The following ATOSA variants were observed in gnomAD, a reference collection of about 807,000 sequenced individuals.
ATOSA encodes the protein atos homolog protein A.
At chr15:52,589,544 AAAAAAACAGCTTTTTG>A in the ATOSA span, among the ~76,000 whole-genome samples, 1 of 30,688 alleles carries the variant, frequency 3.3e-5, no homozygotes, top group South Asian at 1.1e-3. Flanking sequence ...CAATTTATTT[AAAAAAACAGCTTTTTG>A]AAAAAAACCA....
the ATOSA span, among the ~76,000 whole-genome samples, chr15:52,640,951 A>T: frequency 6.6e-6 from 1 of 152,210 alleles, no homozygotes; most frequent in East Asian, 1.9e-4. Context: ...TTGAATATAT[A>T]TTCAAAGGAA....
At chr15:52,588,609 T>C in the ATOSA span, among the ~76,000 whole-genome samples, 2 of 152,094 alleles carry the variant, frequency 1.3e-5, no homozygotes, top group Non-Finnish European at 2.9e-5. Flanking sequence ...CAGCTAATTT[T>C]TGTATTTTTA....
the ATOSA span, among the ~76,000 whole-genome samples, chr15:52,623,985 T>G: frequency 0.038 from 5,715 of 152,300 alleles, 268 homozygotes; most frequent in East Asian, 0.25. Flanking sequence ...TGGTAGGAGA[T>G]TCTCCTGTAT....
At chr15:52,582,406 CAAT>C in the ATOSA span, 1 of 1,016,394 alleles carries the variant, frequency 9.8e-7, no homozygotes, top group Non-Finnish European at 1.4e-6. Context: ...AATCTTGCTA[CAAT>C]ATTAGGTCAA....
the ATOSA span, among the ~76,000 whole-genome samples, chr15:52,628,135 G>A: frequency 6.6e-6 from 1 of 152,158 alleles, no homozygotes; most frequent in Non-Finnish European, 1.5e-5. Flanking sequence ...ATGTCTCTTA[G>A]ATATATCTAA....
the ATOSA span, among the ~76,000 whole-genome samples, chr15:52,703,024 A>G: frequency 6.6e-6 from 1 of 152,210 alleles, no homozygotes; most frequent in Non-Finnish European, 1.5e-5. Context: ...TTATCAGGTA[A>G]ACAGATAAAC....
chr15:52,696,355 C>A, the ATOSA span, among the ~76,000 whole-genome samples: 3 of 152,114 alleles, frequency 2.0e-5, no homozygotes, highest in Non-Finnish European at 4.4e-5. Context: ...TCTACCCAAC[C>A]ACAACAGCCT....
chr15:52,652,066 T>C, the ATOSA span: 8 of 1,459,376 alleles, frequency 5.5e-6, no homozygotes, highest in Non-Finnish European at 7.2e-6. Context: ...GGCAGCAGAG[T>C]AAGAGCGCAC....
At chr15:52,629,694 C>A in the ATOSA span, 1 of 371,922 alleles carries the variant, frequency 2.7e-6, no homozygotes, top group Admixed American at 2.8e-5. Context: ...CTCTGCTACT[C>A]GAGAGGCTGA....
chr15:52,650,462 T>G, the ATOSA span, among the ~76,000 whole-genome samples: 2 of 152,194 alleles, frequency 1.3e-5, no homozygotes, highest in Non-Finnish European at 2.9e-5. Flanking sequence ...AAGGACTATT[T>G]TGTAAATTTT....
the ATOSA span, among the ~76,000 whole-genome samples, chr15:52,622,254 A>G: frequency 2.6e-5 from 4 of 152,342 alleles, no homozygotes; most frequent in South Asian, 2.1e-4. Flanking sequence ...GGAACTTAGT[A>G]TCTGAAACAC....
chr15:52,607,868 T>G, the ATOSA span, among the ~76,000 whole-genome samples: 2 of 152,052 alleles, frequency 1.3e-5, no homozygotes, highest in African/African-American at 4.8e-5. Context: ...TCTGTTTTGG[T>G]TGGTTGGTTT....
chr15:52,658,900 G>A, the ATOSA span: 1 of 395,890 alleles, frequency 2.5e-6, no homozygotes, highest in Non-Finnish European at 4.4e-6. Flanking sequence ...CAGAAGGATT[G>A]CTTGAGCCTA....
At chr15:52,587,769 A>G in the ATOSA span, 2 of 152,294 alleles carry the variant, frequency 1.3e-5, no homozygotes, top group Non-Finnish European at 2.9e-5. Flanking sequence ...GAGATGTTTA[A>G]GACAAAAAGT....
the ATOSA span, among the ~76,000 whole-genome samples, chr15:52,686,252 C>T: frequency 2.6e-5 from 4 of 152,122 alleles, no homozygotes; most frequent in African/African-American, 7.2e-5. Context: ...TTCATTGCAT[C>T]CTAATGAGAA....
chr15:52,632,637 T>C, the ATOSA span, among the ~76,000 whole-genome samples: 4 of 152,216 alleles, frequency 2.6e-5, no homozygotes, highest in Non-Finnish European at 5.9e-5. Context: ...CGGTTAGTAT[T>C]TGACCTTTAA....
the ATOSA span, among the ~76,000 whole-genome samples, chr15:52,620,489 TG>T: frequency 6.6e-6 from 1 of 152,178 alleles, no homozygotes; most frequent in Non-Finnish European, 1.5e-5. Context: ...TCTACTTCAA[TG>T]GGAGTGGAAG....
chr15:52,584,378 T>C, the ATOSA span, among the ~76,000 whole-genome samples: 26 of 152,066 alleles, frequency 1.7e-4, no homozygotes, highest in Admixed American at 5.2e-4. Context: ...CTGAAGGTGA[T>C]TGGCCCACCT....
chr15:52,682,725 T>A, the ATOSA span, among the ~76,000 whole-genome samples: 1 of 152,252 alleles, frequency 6.6e-6, no homozygotes, highest in Non-Finnish European at 1.5e-5. Context: ...AATTAAAATG[T>A]ATAAATAAAT....
Sources: gnomAD v4.1 joint callset for allele counts (sites outside exome capture counted in the v4.1 genomes callset) on GRCh38, gnomAD v4.1.1 for gene constraint, MANE v1.5 for transcripts, NCBI Gene and HGNC (gene_info 2026-07-23, HGNC 2026-07-21) for gene names.